Variants in OR52B6 observed in about 807,000 individuals in gnomAD.
OR52B6 encodes the protein olfactory receptor family 52 subfamily B member 6.
For missense variants in OR52B6, 433 were observed against 416.8 expected (o/e 1.04, Z -0.34); for synonymous variants, 169 against 160.0 (o/e 1.06, Z -0.42).
rs1847170699 is a variant in OR52B6 at position 5,581,746 on chromosome 11, C to G, written c.870C>G (p.Cys290Trp). 4 of 1,613,980 alleles carry G rather than the reference C, an allele frequency of 2.5e-6. No homozygotes were observed. Among genetic ancestry groups the G allele is most frequent in the Non-Finnish European group, 3.4e-6 (4 of 1,179,962 alleles). The change falls in exon 1 of 1, where the codon TGC (cysteine) becomes TGG (tryptophan). Residue 290 changes from cysteine to tryptophan, a missense_variant. Physicochemically the swap from Cys to Trp is radical, Grantham distance 215. Coordinates refer to ENST00000345043, the MANE Select transcript of OR52B6 (RefSeq NM_001005162.2). ...GGTTTGGTGGGAGAAGCGTCCCATGCTATGTCCATATTCTCCTGGCCAGCC... is the reference window on the plus strand; with the variant it reads ...GGTTTGGTGGGAGAAGCGTCCCATGGTATGTCCATATTCTCCTGGCCAGCC... ...AYRFGGRSVP[C>W]YVHILLASLY... is the part of the protein sequence containing the mutation.
At position 5,581,570 on chromosome 11, in the gene OR52B6, C is replaced by A. The variant is rs1190142615; in HGVS notation, c.694C>A (p.Leu232Ile). The A allele has an allele frequency of 1.2e-6, 2 of 1,614,132 alleles. No individual in the cohort carries two copies. Among genetic ancestry groups the A allele is most frequent in the Non-Finnish European group, 8.5e-7 (1 of 1,180,020 alleles). The change falls in exon 1 of 1, where the codon CTT becomes ATT. Residue 232 changes from leucine (L) to isoleucine (I), a missense_variant. Coordinates refer to ENST00000345043, the MANE Select transcript of OR52B6 (RefSeq NM_001005162.2). ...TCTCTCCACAGGCCTAGACATCATG[C>A]TTATTACTGTTTCCTACATCCACAT... ...ALLSTGLDIM[L>I]ITVSYIHILQ...
rs200447039 is a variant in OR52B6, at chr11:5,581,089, C to A, written c.213C>A (p.Ser71=). 7 of 1,614,034 alleles carry A rather than the reference C, an allele frequency of 4.3e-6. No individual in the cohort carries two copies. Among genetic ancestry groups the A allele is most frequent in the African/African-American group, 1.3e-5 (1 of 74,914 alleles). ...GCATCCTAATTTGTGTCATCCTCTC[C>A]CAGGCAATCCTGCATGAGCCCATGT... The part of the protein sequence containing the change: ...GNGILICVIL[S]QAILHEPMYI... Residue 71 remains serine, a synonymous_variant, in exon 1 of 1, where the codon TCC becomes TCA. Coordinates refer to ENST00000345043, the MANE Select transcript of OR52B6 (RefSeq NM_001005162.2).
At position 5,581,843 on chromosome 11, in the gene OR52B6, G is replaced by C. The variant is rs753186451; in HGVS notation, c.967G>C (p.Ala323Pro). The change falls in exon 1 of 1, where the codon GCT (alanine) becomes CCT (proline). Residue 323 changes from alanine (A) to proline (P), a missense_variant. Ala to Pro is a conservative substitution (Grantham distance 27, BLOSUM62 -1). Transcript: ENST00000345043. ...GAGGACTAAGCCAATACTGGAAGGG[G>C]CTAAGCAGATGTTTTCAAATCTTGC... ...GVRTKPILEG[A>P]KQMFSNLAKG... 1 of 1,600,680 alleles carries C rather than the reference G, an allele frequency of 6.2e-7. No homozygotes were observed. The highest frequency in any genetic ancestry group is 1.1e-5 in the South Asian group (1 of 88,368).
chr11:5,581,234 CAG>C lies in OR52B6; in HGVS notation c.360_361del (p.Gln120HisfsTer20). On this transcript the variant is annotated frameshift_variant, in exon 1 of 1. Transcript: ENST00000345043. LOFTEE classifies it low-confidence loss of function (END_TRUNC). ...SLISFDGCLT[Q>X]MFFIHFLFIH... Reference sequence around the variant, plus strand: ...CATTTCCTTTGATGGCTGCCTCACTCAGATGTTCTTCATTCACTTCCTCTTCA... The same window carrying C: ...CATTTCCTTTGATGGCTGCCTCACTCATGTTCTTCATTCACTTCCTCTTCA... 1 of 1,614,096 alleles carries C rather than the reference CAG, an allele frequency of 6.2e-7. No individual in the cohort carries two copies. Among genetic ancestry groups the C allele is most frequent in the Non-Finnish European group, 8.5e-7 (1 of 1,179,988 alleles).
rs1847159751 is a variant in OR52B6, at chr11:5,580,997, G to C, written c.121G>C (p.Glu41Gln). ...CTTCCTCACTGGCATCCCTGGGCTG[G>C]AGCAACTACATATCTGGCTGTCCAT... ...GCFLTGIPGL[E>Q]QLHIWLSIPF... The change falls in exon 1 of 1, where the codon GAG becomes CAG. Residue 41 changes from glutamate (E) to glutamine (Q), a missense_variant. Physicochemically the swap from Glu to Gln is conservative, Grantham distance 29. Coordinates refer to ENST00000345043, the MANE Select transcript of OR52B6 (RefSeq NM_001005162.2). 3 of 1,614,126 alleles carry C rather than the reference G, an allele frequency of 1.9e-6. No homozygotes were observed. The highest frequency in any genetic ancestry group is 2.5e-6 in the Non-Finnish European group (3 of 1,179,998).
At position 5,581,122 on chromosome 11, in the gene OR52B6, C is replaced by A; in HGVS notation, c.246C>A (p.Phe82Leu). 1.9e-6 allele frequency: 3 copies of A among 1,614,172 alleles called. No individual in the cohort carries two copies. Among genetic ancestry groups the A allele is most frequent in the Non-Finnish European group, 2.5e-6 (3 of 1,180,006 alleles). Reference sequence around the variant, plus strand: ...TCCTGCATGAGCCCATGTACATATTCTTATCTATGCTGGCCAGTGCTGATG... The same window carrying A: ...TCCTGCATGAGCCCATGTACATATTATTATCTATGCTGGCCAGTGCTGATG... ...QAILHEPMYI[F>L]LSMLASADVL... is the part of the protein sequence containing the mutation. The change falls in exon 1 of 1, where the codon TTC becomes TTA. Residue 82 changes from phenylalanine (F) to leucine (L), a missense_variant. Physicochemically the swap from Phe to Leu is conservative, Grantham distance 22. Transcript: ENST00000345043.
At position 5,581,392 on chromosome 11, in the gene OR52B6, C is replaced by T; in HGVS notation, c.516C>T (p.Phe172=). ...KIVTAALSHS[F]IIMFPSIFLL... is the part of the protein sequence containing the mutation. ...TCACTGCCGCCCTGAGCCACAGCTT[C>T]ATCATTATGTTTCCATCCATCTTTC... Residue 172 remains phenylalanine (F), a synonymous_variant, in exon 1 of 1, where the codon TTC becomes TTT. Transcript: ENST00000345043. 3 of 1,613,962 alleles carry T rather than the reference C, an allele frequency of 1.9e-6. No homozygotes were observed. Among genetic ancestry groups the T allele is most frequent in the Admixed American group, 3.3e-5 (2 of 60,022 alleles).
Position 5,581,714 on chromosome 11 carries a change from G to C in OR52B6, c.838G>C (p.Ala280Pro). ...FYVPALFSVF[A>P]YRFGGRSVPC... ...TGTCCCTGCGCTTTTTTCTGTCTTT[G>C]CCTACAGGTTTGGTGGGAGAAGCGT... The change falls in exon 1 of 1, where the codon GCC becomes CCC. Residue 280 changes from alanine (A) to proline (P), a missense_variant. Physicochemically the swap from Ala to Pro is conservative, Grantham distance 27. Coordinates refer to ENST00000345043, the MANE Select transcript of OR52B6 (RefSeq NM_001005162.2). The C allele has an allele frequency of 1.2e-6, 2 of 1,613,842 alleles. No individual in the cohort carries two copies. The highest frequency in any genetic ancestry group is 1.7e-6 in the Non-Finnish European group (2 of 1,179,912).
At position 5,581,008 on chromosome 11, in the gene OR52B6, T is replaced by TA; in HGVS notation, c.133dup (p.Ile45AsnfsTer33). On this transcript the variant is annotated frameshift_variant, in exon 1 of 1. Coordinates refer to ENST00000345043, the MANE Select transcript of OR52B6 (RefSeq NM_001005162.2). LOFTEE classifies it low-confidence loss of function (END_TRUNC). ...GCATCCCTGGGCTGGAGCAACTACA[T>TA]ATCTGGCTGTCCATCCCCTTCTGCA... The TA allele has an allele frequency of 1.2e-6, 2 of 1,614,136 alleles. No individual in the cohort carries two copies. Among genetic ancestry groups the TA allele is most frequent in the South Asian group, 1.1e-5 (1 of 91,072 alleles).
chr11:5,581,094 C>G lies in OR52B6; in HGVS notation c.218C>G (p.Ala73Gly), dbSNP rs1847161212. 1 of 1,614,064 alleles carries G rather than the reference C, an allele frequency of 6.2e-7. No homozygotes were observed. Among genetic ancestry groups the G allele is most frequent in the Non-Finnish European group, 8.5e-7 (1 of 1,180,030 alleles). The change falls in exon 1 of 1, where the codon GCA (alanine) becomes GGA (glycine). Residue 73 changes from alanine (A) to glycine (G), a missense_variant. Transcript: ENST00000345043. ...CTAATTTGTGTCATCCTCTCCCAGG[C>G]AATCCTGCATGAGCCCATGTACATA... ...GILICVILSQ[A>G]ILHEPMYIFL...
Position 5,581,124 on chromosome 11 carries a change from T to C in OR52B6, c.248T>C (p.Leu83Ser), listed in dbSNP as rs1010363512. 2 of 1,614,132 alleles carry C rather than the reference T, an allele frequency of 1.2e-6. No homozygotes were observed. Among genetic ancestry groups the C allele is most frequent in the African/African-American group, 2.7e-5 (2 of 75,034 alleles). Reference protein sequence around the residue: ...AILHEPMYIFLSMLASADVLL... With the variant: ...AILHEPMYIFSSMLASADVLL... ...CTGCATGAGCCCATGTACATATTCTTATCTATGCTGGCCAGTGCTGATGTC... is the reference window on the plus strand; with the variant it reads ...CTGCATGAGCCCATGTACATATTCTCATCTATGCTGGCCAGTGCTGATGTC... The change falls in exon 1 of 1, where the codon TTA (leucine) becomes TCA (serine). Residue 83 changes from leucine (L) to serine (S), a missense_variant. Physicochemically the swap from Leu to Ser is moderately radical, Grantham distance 145 (BLOSUM62 -2). Transcript: ENST00000345043.
rs1463385971 is a variant in OR52B6, at chr11:5,580,888, G to A, written c.12G>A (p.Val4=). The change falls in exon 1 of 1, where the codon GTG becomes GTA. Residue 4 remains valine (V), a synonymous_variant. Transcript: ENST00000345043. MAQ[V]RALHKIMALF... is the part of the protein sequence containing the mutation. ...GCTCTTTTTTCCCTATGGCACAGGT[G>A]AGGGCGCTGCATAAAATCATGGCCC... 1.9e-6 allele frequency: 3 copies of A among 1,570,286 alleles called. No individual in the cohort carries two copies. Among genetic ancestry groups the A allele is most frequent in the Non-Finnish European group, 2.6e-6 (3 of 1,161,138 alleles).
Position 5,581,404 on chromosome 11 carries a change from TC to T in OR52B6, c.530del (p.Pro177HisfsTer52). On this transcript the variant is annotated frameshift_variant, in exon 1 of 1. Transcript: ENST00000345043. LOFTEE classifies it low-confidence loss of function (END_TRUNC). ...ALSHSFIIMF[P>X]SIFLLEHLHY... is the part of the protein sequence containing the mutation. ...TGAGCCACAGCTTCATCATTATGTT[TC>T]CATCCATCTTTCTCCTTGAGCACCT... 6.2e-7 allele frequency: 1 copy of T among 1,614,020 alleles called. No homozygotes were observed. Among genetic ancestry groups the T allele is most frequent in the Non-Finnish European group, 8.5e-7 (1 of 1,180,032 alleles).
At position 5,581,535 on chromosome 11, in the gene OR52B6, C is replaced by G. The variant is rs1343329282; in HGVS notation, c.659C>G (p.Ala220Gly). ...TCCATCAATGTCTGGTATGGGTTGG[C>G]AGCTGCTCTTCTCTCCACAGGCCTA... ...DISINVWYGL[A>G]AALLSTGLDI... Residue 220 changes from alanine (A) to glycine (G), a missense_variant, in exon 1 of 1, where the codon GCA becomes GGA. Coordinates refer to ENST00000345043, the MANE Select transcript of OR52B6 (RefSeq NM_001005162.2). 6.2e-7 allele frequency: 1 copy of G among 1,613,944 alleles called. No homozygotes were observed. Among genetic ancestry groups the G allele is most frequent in the Non-Finnish European group, 8.5e-7 (1 of 1,179,986 alleles).
chr11:5,581,364 T>A lies in OR52B6; in HGVS notation c.488T>A (p.Ile163Asn), dbSNP rs1402451778. Residue 163 changes from isoleucine (I) to asparagine (N), a missense_variant, in exon 1 of 1, where the codon ATC becomes AAC. Transcript: ENST00000345043. ...CTCACAAGCAAGGTCATTGGGAAGA[T>A]CGTCACTGCCGCCCTGAGCCACAGC... is the stretch of plus-strand genomic sequence containing the variant. ...TILTSKVIGK[I>N]VTAALSHSFI... is the part of the protein sequence containing the mutation. 1.2e-6 allele frequency: 2 copies of A among 1,613,326 alleles called. No homozygotes were observed. Among genetic ancestry groups the A allele is most frequent in the Middle Eastern group, 1.7e-4 (1 of 6,058 alleles).
rs966723001 is a variant in OR52B6, at chr11:5,580,910, G to A, written c.34G>A (p.Ala12Thr). ...GGTGAGGGCGCTGCATAAAATCATG[G>A]CCCTTTTTTCTGCTAACAGCATAGG... ...AQVRALHKIM[A>T]LFSANSIGAM... Residue 12 changes from alanine to threonine, a missense_variant, in exon 1 of 1, where the codon GCC (alanine) becomes ACC (threonine). By Grantham distance (58) the Ala-to-Thr change is moderately conservative (BLOSUM62 0). Transcript: ENST00000345043. 5 of 1,589,782 alleles carry A rather than the reference G, an allele frequency of 3.1e-6. No individual in the cohort carries two copies. The African/African-American group carries it at 6.8e-5, about 21-fold the overall frequency.
rs762165681 is a variant in OR52B6 at position 5,581,798 on chromosome 11, A to C, written c.922A>C (p.Asn308His). Residue 308 changes from asparagine (N) to histidine (H), a missense_variant, in exon 1 of 1, where the codon AAT becomes CAT. Coordinates refer to ENST00000345043, the MANE Select transcript of OR52B6 (RefSeq NM_001005162.2). ...SLYVVIPPML[N>H]PVIYGVRTKP... ...CTACGTTGTCATTCCTCCTATGCTCAATCCCGTTATTTATGGAGTGAGGAC... is the reference window on the plus strand; with the variant it reads ...CTACGTTGTCATTCCTCCTATGCTCCATCCCGTTATTTATGGAGTGAGGAC... 2 of 1,613,842 alleles carry C rather than the reference A, an allele frequency of 1.2e-6. No individual in the cohort carries two copies. The highest frequency in any genetic ancestry group is 2.2e-5 in the South Asian group (2 of 91,064).
In OR52B6 at chr11:5,581,734, A is replaced by G. The variant is rs766504559; in HGVS notation, c.858A>G (p.Arg286=). Residue 286 remains arginine (R), a synonymous_variant, in exon 1 of 1, where the codon AGA becomes AGG. Transcript: ENST00000345043. The stretch of plus-strand genomic sequence containing the variant: ...TCTTTGCCTACAGGTTTGGTGGGAG[A>G]AGCGTCCCATGCTATGTCCATATTC... ...FSVFAYRFGG[R]SVPCYVHILL... The G allele has an allele frequency of 6.2e-7, 1 of 1,613,892 alleles. No individual in the cohort carries two copies.
At position 5,581,456 on chromosome 11, in the gene OR52B6, G is replaced by A. The variant is rs373597730; in HGVS notation, c.580G>A (p.Ala194Thr). 28 of 1,613,848 alleles carry A rather than the reference G, an allele frequency of 1.7e-5. No homozygotes were observed. Among genetic ancestry groups the A allele is most frequent in the Non-Finnish European group, 2.3e-5 (27 of 1,180,010 alleles). Residue 194 changes from alanine (A) to threonine (T), a missense_variant, in exon 1 of 1, where the codon GCA becomes ACA. By Grantham distance (58) the Ala-to-Thr change is moderately conservative (BLOSUM62 0). Transcript: ENST00000345043. ...GCACTATTGCCAGATCAATATCATT[G>A]CACACACATTTTGTGAGCACATGGG... Reference protein sequence around the residue: ...HLHYCQINIIAHTFCEHMGIA... With the variant: ...HLHYCQINIITHTFCEHMGIA...
Sources: allele counts gnomAD v4.1 joint callset, GRCh38; gene constraint gnomAD v4.1.1; transcripts MANE v1.5; gene names NCBI Gene and HGNC (gene_info 2026-07-23, HGNC 2026-07-21).